DLG2: variants seen among roughly 807,000 people sequenced by gnomAD.
DLG2 encodes discs large MAGUK scaffold protein 2.
Under a neutral mutation model 132.5 loss-of-function variants are expected in DLG2, and 45 were observed. The ratio of observed to expected loss-of-function variants is 0.34; its 90% confidence interval spans 0.27 to 0.44. DLG2 has a LOEUF of 0.44. Among genes scored for constraint, DLG2 ranks in the 20% least tolerant of loss-of-function variants. The probability of loss-of-function intolerance (pLI) is 1.00; values close to 1 mark genes in which losing one functional copy is unlikely to be tolerated. For missense variants in DLG2, 1,045 were observed against 1,196.9 expected, an observed-to-expected ratio of 0.87 and a Z score of 1.87; for synonymous variants, 424 against 419.6, an observed-to-expected ratio of 1.01 and a Z score of -0.13.
At chr11:84,685,908 C>T (rs2099737762) in intron 6 of DLG2, among the ~76,000 whole-genome samples, 5 of 152,116 alleles carry the variant, frequency 3.3e-5, no homozygotes, top group Admixed American at 2.0e-4. Flanking sequence ...AAGATGGTCT[C>T]GATCTCTTGA....
At chr11:84,039,250 G>A (rs576530338) in intron 11 of DLG2, among the ~76,000 whole-genome samples, 1 of 148,140 alleles carries the variant, frequency 6.8e-6, no homozygotes, top group African/African-American at 2.5e-5. Flanking sequence ...TTAAGATTTA[G>A]GGTACATGTG....
intron 7 of DLG2, among the ~76,000 whole-genome samples, chr11:84,438,973 TCAA>T (rs368618810): frequency 1.3e-3 from 195 of 152,134 alleles, no homozygotes; most frequent in African/African-American, 4.2e-3. Flanking sequence ...ATCTGTGGAA[TCAA>T]CAACAACAAC....
intron 2 of DLG2, among the ~76,000 whole-genome samples, chr11:85,612,084 G>GA (rs1457751435): frequency 6.6e-6 from 1 of 152,048 alleles, no homozygotes; most frequent in Non-Finnish European, 1.5e-5. Context: ...AAGTAGTAAA[G>GA]AAAAAACAGT....
intron 3 of DLG2, among the ~76,000 whole-genome samples, chr11:85,526,652 G>A (rs1456035075): frequency 6.6e-6 from 1 of 152,144 alleles, no homozygotes; most frequent in Non-Finnish European, 1.5e-5. Flanking sequence ...CAATTTTACT[G>A]TGCTAAGGGA....
At position 85,551,636 on chromosome 11, in the gene DLG2, G is replaced by A. The variant is rs140674491; in HGVS notation, c.40+47021C>T. On this transcript the variant is annotated intron_variant, in intron 3 of 27. Transcript: ENST00000376104. ...ATAACATTAATTTCATAAGAAAGATGATGTTTAGCTGAAATGGTATTGATG... is the reference window on the plus strand; with the variant it reads ...ATAACATTAATTTCATAAGAAAGATAATGTTTAGCTGAAATGGTATTGATG... Among the ~76,000 whole-genome samples the A allele has an allele frequency of 7.4e-3, 1,117 of 151,972 alleles. 12 individuals carry two copies. The highest frequency in any genetic ancestry group is 0.026 in the African/African-American group (1,087 of 41,512).
At chr11:84,906,117 T>C (rs2091473274) in intron 6 of DLG2, among the ~76,000 whole-genome samples, 1 of 152,010 alleles carries the variant, frequency 6.6e-6, no homozygotes, top group Admixed American at 6.6e-5. Context: ...TAATTTTAAA[T>C]ATTTACCTTA....
At chr11:84,325,169 T>A (rs1236513545) in intron 7 of DLG2, among the ~76,000 whole-genome samples, 1 of 152,112 alleles carries the variant, frequency 6.6e-6, no homozygotes, top group Non-Finnish European at 1.5e-5. Flanking sequence ...GATTTTTATA[T>A]TGTAAGGTAA....
rs74696593 is a variant in DLG2, at chr11:84,331,447, A to T, written c.520-80156T>A. 2.2e-3 allele frequency among the ~76,000 whole-genome samples: 252 copies of T among 115,788 alleles called. 2 individuals are homozygous for T. Among genetic ancestry groups the T allele is most frequent in the African/African-American group, 7.7e-3 (244 of 31,602 alleles). 76.0% of individuals were successfully genotyped at this position (115,788 alleles called of 152,430 possible). A position where few individuals can be genotyped will look rare whatever the true frequency, so the allele number is the denominator to read the frequency against. On this transcript the variant is annotated intron_variant, in intron 7 of 27. Coordinates refer to ENST00000376104, the MANE Select transcript of DLG2 (RefSeq NM_001142699.3). ...TTCACCATGTTACTTATCTCAAAAA[A>T]AAAAAAAAAAAAAATAAATAAATAA...
At chr11:84,662,786 C>CAAAAAAAAAA (rs752017709) in intron 6 of DLG2, among the ~76,000 whole-genome samples, 5 of 80,304 alleles carry the variant, frequency 6.2e-5, no homozygotes, top group South Asian at 4.6e-4. Flanking sequence ...GACTCTGTCA[C>CAAAAAAAAAA]AAAAAAAAAA....
Position 84,534,602 on chromosome 11 carries a change from A to T in DLG2, c.487T>A (p.Tyr163Asn). 1 of 1,613,984 alleles carries T rather than the reference A, an allele frequency of 6.2e-7. No homozygotes were observed. Among genetic ancestry groups the T allele is most frequent in the Non-Finnish European group, 8.5e-7 (1 of 1,179,898 alleles). The change falls in exon 7 of 28, where the codon TAT (tyrosine) becomes AAT (asparagine). Residue 163 changes from tyrosine (Y) to asparagine (N), a missense_variant. Tyr to Asn is a moderately radical substitution (Grantham distance 143, BLOSUM62 -2). Coordinates refer to ENST00000376104, the MANE Select transcript of DLG2 (RefSeq NM_001142699.3). ...NLSQIENVHG[Y>N]VLQSHISPLK... ...GGAGAAATATGAGACTGCAAGACAT[A>T]TCCATGGACATTTTCTATTTGAGAG...
intron 7 of DLG2, among the ~76,000 whole-genome samples, chr11:84,484,306 T>C (rs879266952): frequency 3.3e-5 from 5 of 152,208 alleles, no homozygotes; most frequent in Non-Finnish European, 5.9e-5. Flanking sequence ...AACAATTTCA[T>C]GAAGTACACC....
chr11:84,440,444 C>T (rs2099013922), intron 7 of DLG2, among the ~76,000 whole-genome samples: 2 of 152,084 alleles, frequency 1.3e-5, no homozygotes, highest in South Asian at 2.1e-4. Context: ...GATATAATGT[C>T]AACTGAATGA....
chr11:84,226,765 A>T (rs923102905), intron 8 of DLG2, among the ~76,000 whole-genome samples: 1 of 152,160 alleles, frequency 6.6e-6, no homozygotes, highest in African/African-American at 2.4e-5. Flanking sequence ...ATATATAAAC[A>T]AATATGATGT....
chr11:84,277,951 TG>T (rs2097799702), intron 7 of DLG2, among the ~76,000 whole-genome samples: 1 of 152,122 alleles, frequency 6.6e-6, no homozygotes, highest in African/African-American at 2.4e-5. Context: ...GACAGTCTAA[TG>T]TTATGATCAT....
chr11:83,472,938 T>C (rs2092243992), intron 22 of DLG2, among the ~76,000 whole-genome samples, 161 bp from the exon 23 acceptor site: 1 of 152,122 alleles, frequency 6.6e-6, no homozygotes, highest in South Asian at 2.1e-4. Context: ...TAAAACTCTT[T>C]AGCACCATTT....
At chr11:85,447,699 C>T (rs1236229097) in intron 3 of DLG2, among the ~76,000 whole-genome samples, 1 of 152,006 alleles carries the variant, frequency 6.6e-6, no homozygotes, top group Admixed American at 6.6e-5. Context: ...TTTGTGTTCC[C>T]TCAGTCATTA....
At chr11:84,586,165 A>G (rs576019893) in intron 6 of DLG2, among the ~76,000 whole-genome samples, 45 of 104,794 alleles carry the variant, frequency 4.3e-4, no homozygotes, top group African/African-American at 6.7e-4. Context: ...AAAAAAAAAA[A>G]GGGTTTGTAA....
intron 6 of DLG2, among the ~76,000 whole-genome samples, chr11:84,813,338 T>C (rs1355372425): frequency 6.6e-6 from 1 of 151,954 alleles, no homozygotes; most frequent in Non-Finnish European, 1.5e-5. Context: ...TGAACCTTCA[T>C]AGCAACCCCT....
At chr11:84,934,516 TTTTG>T (rs1192112923) in intron 6 of DLG2, among the ~76,000 whole-genome samples, 1 of 48,806 alleles carries the variant, frequency 2.0e-5, no homozygotes, top group African/African-American at 1.2e-4. Flanking sequence ...TTTTTTTTTG[TTTTG>T]TTTTGTTTTT....
Sources: allele counts gnomAD v4.1 joint callset (sites outside exome capture counted in the v4.1 genomes callset), GRCh38; gene constraint gnomAD v4.1.1; transcripts MANE v1.5; gene names NCBI Gene and HGNC (gene_info 2026-07-23, HGNC 2026-07-21).